Variants in LRPPRC observed in about 807,000 individuals in gnomAD.
The protein encoded by LRPPRC is leucine-rich PPR motif-containing protein, mitochondrial.
LRPPRC carries 120 observed loss-of-function variants against 180.3 expected under a neutral mutation model. The ratio of observed to expected loss-of-function variants is 0.67; its 90% CI spans 0.57 to 0.77. The LOEUF is 0.77. LRPPRC is among the 30% of genes least tolerant of loss of function. The pLI is 0.00. For missense variants in LRPPRC, 2,012 were observed against 1,657.2 expected (o/e 1.21, Z -3.72); for synonymous variants, 723 against 600.0 (o/e 1.21, Z -3.00).
chr2:43,972,730 C>T (rs1341358609), intron 11 of LRPPRC, among the ~76,000 whole-genome samples: 1 of 152,176 alleles, frequency 6.6e-6, no homozygotes, highest in Non-Finnish European at 1.5e-5. Flanking sequence ...GACGGCTGTA[C>T]ATTTAAAATA....
At chr2:43,918,662 T>C (rs112895758) in intron 27 of LRPPRC, among the ~76,000 whole-genome samples, 4 of 151,834 alleles carry the variant, frequency 2.6e-5, no homozygotes, top group African/African-American at 7.2e-5. Context: ...CTTCCAATCA[T>C]GTTGATAAGA....
At chr2:43,981,672 T>C (rs1047083659) in intron 2 of LRPPRC, among the ~76,000 whole-genome samples, 10 of 151,208 alleles carry the variant, frequency 6.6e-5, no homozygotes, top group Middle Eastern at 3.2e-3. Context: ...AAAAAAAAAA[T>C]CTAAAAATGT....
intron 29 of LRPPRC, among the ~76,000 whole-genome samples, chr2:43,914,015 C>T (rs957690942): frequency 1.1e-4 from 17 of 152,146 alleles, no homozygotes; most frequent in African/African-American, 3.6e-4. Context: ...GAATGGCTTG[C>T]TAAATAAAAT....
At chr2:43,903,942 A>G (rs1260175544) in intron 31 of LRPPRC, 1 of 152,202 alleles carries the variant, frequency 6.6e-6, no homozygotes, top group African/African-American at 2.4e-5. Flanking sequence ...AATAGGACAT[A>G]AAGTCTTTTT....
chr2:43,966,304 A>G (rs1225108794), intron 11 of LRPPRC, among the ~76,000 whole-genome samples: 1 of 152,134 alleles, frequency 6.6e-6, no homozygotes, highest in Admixed American at 6.6e-5. Context: ...AAAAGGGATG[A>G]TGGTCCATAG....
intron 31 of LRPPRC, 68 bp from the exon 32 acceptor site, chr2:43,901,592 C>T: frequency 1.0e-6 from 1 of 994,016 alleles, no homozygotes; most frequent in Non-Finnish European, 1.6e-6. Context: ...ATTTTGAAAA[C>T]CAGCTTTTAA....
chr2:43,992,010 GA>G (rs1038670555), intron 1 of LRPPRC, among the ~76,000 whole-genome samples: 70 of 152,278 alleles, frequency 4.6e-4, no homozygotes, highest in African/African-American at 1.7e-3. Flanking sequence ...AAACACCAGG[GA>G]AAGCAAAAGG....
chr2:43,921,586 T>C (rs1020109932), intron 27 of LRPPRC, among the ~76,000 whole-genome samples: 1 of 152,032 alleles, frequency 6.6e-6, no homozygotes, highest in African/African-American at 2.4e-5. Context: ...GATATAAAGG[T>C]AGAGAGAGGG....
intron 17 of LRPPRC, 102 bp from the exon 18 acceptor site, chr2:43,948,301 T>G: frequency 1.1e-6 from 1 of 920,100 alleles, no homozygotes; most frequent in East Asian, 2.4e-5. Flanking sequence ...AGTCTCCAAC[T>G]CTTGCATGTC....
intron 1 of LRPPRC, among the ~76,000 whole-genome samples, chr2:43,992,059 C>A (rs1044452579): frequency 5.3e-5 from 8 of 152,184 alleles, no homozygotes; most frequent in Admixed American, 5.2e-4. Context: ...AACTTACAGC[C>A]AGCTCCAGAG....
chr2:43,891,739 A>G (rs1670499359), intron 36 of LRPPRC, among the ~76,000 whole-genome samples: 1 of 152,252 alleles, frequency 6.6e-6, no homozygotes. Context: ...CAAGTGAAAG[A>G]GTCATACATC....
chr2:43,941,287 A>G (rs1672471517), intron 23 of LRPPRC, among the ~76,000 whole-genome samples: 2 of 152,218 alleles, frequency 1.3e-5, no homozygotes, highest in African/African-American at 4.8e-5. Context: ...TAAGGAACTC[A>G]GTCTCATGGA....
intron 23 of LRPPRC, among the ~76,000 whole-genome samples, chr2:43,943,272 T>C (rs1249776379): frequency 2.6e-5 from 4 of 152,060 alleles, no homozygotes; most frequent in African/African-American, 7.2e-5. Flanking sequence ...ATAACTGTAA[T>C]GGTATATGTA....
chr2:43,988,581 C>T (rs959773584), intron 1 of LRPPRC, among the ~76,000 whole-genome samples: 24 of 151,924 alleles, frequency 1.6e-4, no homozygotes, highest in African/African-American at 5.3e-4. Context: ...CAATAGCTGT[C>T]TTATTATAGA....
chr2:43,948,310 T>C, intron 17 of LRPPRC, 102 bp downstream of exon 17: 1 of 918,924 alleles, frequency 1.1e-6, no homozygotes, highest in East Asian at 2.4e-5. Flanking sequence ...CTCTTGCATG[T>C]CATTGAGAAG....
At chr2:43,945,239 T>C (rs1021452746) in intron 22 of LRPPRC, 93 bp downstream of exon 22, 2 of 890,076 alleles carry the variant, frequency 2.2e-6, no homozygotes, top group African/African-American at 1.6e-5. Context: ...TTCAAGCACT[T>C]TGCAGGACAT....
chr2:43,940,279 T>C lies in LRPPRC; in HGVS notation c.2504+3408A>G, dbSNP rs1004822327. On this transcript the variant is annotated intron_variant, in intron 23 of 37. Transcript: ENST00000260665. ...TTACTCTAGAAGGCAAGCATTCCCA[T>C]AAATAATGAAAGTATCCAGTACAAA... 4.6e-5 allele frequency among the ~76,000 whole-genome samples: 7 copies of C among 152,290 alleles called. No individual in the cohort carries two copies. The East Asian group carries it at 1.3e-3, about 29-fold the overall frequency.
intron 21 of LRPPRC, 98 bp downstream of exon 21, chr2:43,946,015 G>T: frequency 2.4e-6 from 3 of 1,259,046 alleles, no homozygotes; most frequent in Non-Finnish European, 3.4e-6. Context: ...TTTTAAAAAT[G>T]ACATTATATA....
rs1425944366 is a variant in LRPPRC, at chr2:43,886,976, T to TC, written c.*1623dup. 6.6e-6 allele frequency: 1 copy of TC among 151,588 alleles called. No individual in the cohort carries two copies. Among genetic ancestry groups the TC allele is most frequent in the Non-Finnish European group, 1.5e-5 (1 of 67,928 alleles). The allele number at this position is 151,588 out of a possible 1,614,324, so 9.4% of individuals were successfully genotyped here. A position where few individuals can be genotyped will look rare whatever the true frequency, so the allele number is the denominator to read the frequency against. ...ACCAACCTGGCCAACATGGTGAAAC[T>TC]CCGTCTTTACCATACAAAAATTAGC... On this transcript the variant is annotated 3_prime_UTR_variant, in exon 38 of 38. Coordinates refer to ENST00000260665, the MANE Select transcript of LRPPRC (RefSeq NM_133259.4).
Sources: allele counts gnomAD v4.1 joint callset (sites outside exome capture counted in the v4.1 genomes callset), GRCh38; gene constraint gnomAD v4.1.1; transcripts MANE v1.5; gene names NCBI Gene and HGNC (gene_info 2026-07-23, HGNC 2026-07-21).